Variants in PRDM11 observed in about 807,000 individuals in gnomAD.
PRDM11 encodes PR/SET domain 11.
A neutral mutation model predicts 97.8 loss-of-function variants in PRDM11; 20 were observed. The ratio of observed to expected loss-of-function variants is 0.20; its 90% CI spans 0.14 to 0.30. The LOEUF is 0.30. Among genes scored for constraint, PRDM11 ranks in the 10% least tolerant of loss-of-function variants. The pLI is 1.00. For missense variants in PRDM11, 1,139 were observed against 1,555.2 expected (o/e 0.73, Z 4.50); for synonymous variants, 599 against 637.7 (o/e 0.94, Z 0.91).
chr11:45,117,108 CAG>C (rs778174070), intron 1 of PRDM11, among the ~76,000 whole-genome samples: 2 of 151,564 alleles, frequency 1.3e-5, no homozygotes, highest in African/African-American at 2.4e-5. Flanking sequence ...TCTATAGTCC[CAG>C]CTACTTGGGA....
chr11:45,121,355 G>A (rs1852426075), intron 1 of PRDM11, among the ~76,000 whole-genome samples: 1 of 152,030 alleles, frequency 6.6e-6, no homozygotes. Flanking sequence ...AAGCTGGTGT[G>A]GTTATATTAC....
At chr11:45,225,147 C>G in intron 7 of PRDM11, 1 of 1,370,680 alleles carries the variant, frequency 7.3e-7, no homozygotes, top group Non-Finnish European at 9.4e-7. Context: ...GTGTCTTACC[C>G]CAAAGCCCAA....
chr11:45,219,286 GGT>G lies in PRDM11; in HGVS notation c.555-280_555-279del, dbSNP rs1193631672. Reference sequence around the variant, plus strand: ...TATTTAGTTGATATATTTTCCATATGGTGTGAGGCAGGCAGGGCAGGTGTCAT... The same window carrying G: ...TATTTAGTTGATATATTTTCCATATGGTGAGGCAGGCAGGGCAGGTGTCAT... On this transcript the variant is annotated intron_variant, in intron 5 of 7. Coordinates refer to ENST00000683152, the MANE Select transcript of PRDM11 (RefSeq NM_001384648.1). The surrounding 1 kb of genome is among the most constrained non-coding windows in gnomAD (Gnocchi z 4.2). 6.6e-6 allele frequency among the ~76,000 whole-genome samples: 1 copy of G among 152,148 alleles called. No homozygotes were observed. Among genetic ancestry groups the G allele is most frequent in the Non-Finnish European group, 1.5e-5 (1 of 68,030 alleles).
At chr11:45,151,044 C>A (rs780931116) in intron 1 of PRDM11, among the ~76,000 whole-genome samples, 14 of 152,162 alleles carry the variant, frequency 9.2e-5, no homozygotes, top group Non-Finnish European at 1.9e-4. Context: ...GCAGAGAACC[C>A]CAAACCCATT....
Position 45,227,346 on chromosome 11 carries a change from G to A in PRDM11, c.2721G>A (p.Gln907=). 6.5e-7 allele frequency: 1 copy of A among 1,534,002 alleles called. No homozygotes were observed. ...AGGGCGAGTACCTGCTGGTGTCCCA[G>A]GTGGATGACAAGATCGAGGAGGCCA... The part of the protein sequence containing the change: ...IFQGEYLLVS[Q]VDDKIEEAIQ... Residue 907 remains glutamine (Q), a synonymous_variant, in exon 8 of 8, where the codon CAG becomes CAA. Coordinates refer to ENST00000683152, the MANE Select transcript of PRDM11 (RefSeq NM_001384648.1). The surrounding 1 kb of genome is among the most constrained non-coding windows in gnomAD (Gnocchi z 8.0).
rs1356904854 is a variant in PRDM11 at position 45,219,739 on chromosome 11, C to T, written c.724C>T (p.His242Tyr). Reference sequence around the variant, plus strand: ...GCACAGCATGTCCCAGGAAACCATTCACCGCAACCTGGCCAGAGGTGAGTG... The same window carrying T: ...GCACAGCATGTCCCAGGAAACCATTTACCGCAACCTGGCCAGAGGTGAGTG... ...RLHSMSQETI[H>Y]RNLARGEKRL... Residue 242 changes from histidine (H) to tyrosine (Y), a missense_variant, in exon 6 of 8, where the codon CAC (histidine) becomes TAC (tyrosine). By Grantham distance (83) the His-to-Tyr change is moderately conservative. Transcript: ENST00000683152. This position sits in a 1 kb window ranked among gnomAD's most constrained non-coding sequence, Gnocchi z 4.2. The T allele has an allele frequency of 6.2e-7, 1 of 1,613,756 alleles. No homozygotes were observed. The highest frequency in any genetic ancestry group is 8.5e-7 in the Non-Finnish European group (1 of 1,179,924).
chr11:45,104,076 G>A (rs891819222), intron 1 of PRDM11, among the ~76,000 whole-genome samples: 27 of 152,150 alleles, frequency 1.8e-4, no homozygotes, highest in Admixed American at 3.3e-4. Flanking sequence ...AGACTTTTTC[G>A]CCTGGGCATA....
intron 1 of PRDM11, among the ~76,000 whole-genome samples, chr11:45,108,567 C>T (rs919963365): frequency 2.6e-5 from 4 of 152,262 alleles, no homozygotes; most frequent in African/African-American, 9.6e-5. Context: ...TGGGCTCTGG[C>T]TCCTGCCCTT....
intron 1 of PRDM11, among the ~76,000 whole-genome samples, chr11:45,170,711 C>A (rs1045931711): frequency 2.6e-5 from 4 of 152,160 alleles, no homozygotes; most frequent in Non-Finnish European, 4.4e-5. Context: ...GGCACTTGAC[C>A]TGCCTTATGT....
intron 5 of PRDM11, among the ~76,000 whole-genome samples, chr11:45,215,408 A>G (rs2135830174): frequency 6.6e-6 from 1 of 152,362 alleles, no homozygotes; most frequent in East Asian, 1.9e-4. Flanking sequence ...GGCCATAGAA[A>G]TGGAGGACTA....
chr11:45,162,644 C>A (rs1031267791), intron 1 of PRDM11, among the ~76,000 whole-genome samples: 2 of 152,084 alleles, frequency 1.3e-5, no homozygotes, highest in African/African-American at 4.8e-5. Context: ...TAGATACAGC[C>A]GAGGAAACTG....
In PRDM11 at chr11:45,219,893, T is replaced by C; in HGVS notation, c.742+136T>C. The C allele has an allele frequency of 8.8e-7, 1 of 1,130,172 alleles. No individual in the cohort carries two copies. The highest frequency in any genetic ancestry group is 1.2e-6 in the Non-Finnish European group (1 of 818,548). The allele number at this position is 1,130,172 out of a possible 1,614,324, so 70.0% of individuals were successfully genotyped here. Reference sequence around the variant, plus strand: ...CAGAGTGATTCGGGGGAACAGATGGTTGAGGTCTGAGCAGCAGCTCTGGGC... The same window carrying C: ...CAGAGTGATTCGGGGGAACAGATGGCTGAGGTCTGAGCAGCAGCTCTGGGC... On this transcript the variant is annotated intron_variant, in intron 6 of 7. Transcript: ENST00000683152. This position sits in a 1 kb window ranked among gnomAD's most constrained non-coding sequence, Gnocchi z 4.2.
At chr11:45,148,328 A>T (rs1436623900) in intron 1 of PRDM11, among the ~76,000 whole-genome samples, 1 of 152,182 alleles carries the variant, frequency 6.6e-6, no homozygotes, top group Non-Finnish European at 1.5e-5. Flanking sequence ...CCCTGAGTCC[A>T]ACAAAACCTG....
intron 1 of PRDM11, among the ~76,000 whole-genome samples, chr11:45,147,153 C>CA: frequency 6.6e-6 from 1 of 151,624 alleles, no homozygotes. Context: ...TCCTTCCTCC[C>CA]AGCTCGCTCG....
chr11:45,099,329 T>C (rs926271412), intron 1 of PRDM11, among the ~76,000 whole-genome samples: 1 of 151,944 alleles, frequency 6.6e-6, no homozygotes, highest in African/African-American at 2.4e-5. Context: ...TGTGTGCCTG[T>C]AGTTCCGGCT....
chr11:45,110,726 C>T (rs1375418437), intron 1 of PRDM11, among the ~76,000 whole-genome samples: 2 of 152,218 alleles, frequency 1.3e-5, no homozygotes, highest in Admixed American at 1.3e-4. Context: ...AATCCAGGTG[C>T]GGGGTGCAAG....
chr11:45,131,266 T>A (rs1004048885), intron 1 of PRDM11, among the ~76,000 whole-genome samples: 1 of 152,206 alleles, frequency 6.6e-6, no homozygotes, highest in African/African-American at 2.4e-5. Context: ...GAACAAATGA[T>A]TCCCCCATGA....
chr11:45,095,587 G>A (rs1464250587), upstream of PRDM11, among the ~76,000 whole-genome samples: 1 of 152,226 alleles, frequency 6.6e-6, no homozygotes, highest in Non-Finnish European at 1.5e-5. Context: ...GCAGCTGAGA[G>A]TAGAGGCCAC....
chr11:45,137,513 G>A (rs2135660906), intron 1 of PRDM11, among the ~76,000 whole-genome samples: 1 of 152,246 alleles, frequency 6.6e-6, no homozygotes. Flanking sequence ...CACTTTAGGA[G>A]GCCAAGGCAG....
Sources: allele counts gnomAD v4.1 joint callset (sites outside exome capture counted in the v4.1 genomes callset), GRCh38; gene constraint gnomAD v4.1.1; non-coding constraint Gnocchi (gnomAD v3.1); transcripts MANE v1.5; gene names NCBI Gene and HGNC (gene_info 2026-07-23, HGNC 2026-07-21).